The following PDE11A variants were observed in gnomAD, a reference collection of about 807,000 sequenced individuals.
PDE11A encodes phosphodiesterase 11A.
A neutral mutation model predicts 100.5 loss-of-function variants in PDE11A; 100 were observed. That is an observed-to-expected ratio of 1.00 (90% CI 0.85 to 1.18). The LOEUF (loss-of-function observed/expected upper bound fraction) is 1.18. Ranked by LOEUF, PDE11A falls within the 50% of genes most tolerant of loss-of-function variation. PDE11A has a pLI of 0.00. For missense variants in PDE11A, 1,141 were observed against 1,152.6 expected, an observed-to-expected ratio of 0.99 and a Z score of 0.15; for synonymous variants, 381 against 420.8, an observed-to-expected ratio of 0.91 and a Z score of 1.16.
At chr2:178,051,422 T>A (rs531075756) in intron 1 of PDE11A, among the ~76,000 whole-genome samples, 2 of 152,146 alleles carry the variant, frequency 1.3e-5, no homozygotes, top group Non-Finnish European at 2.9e-5. Flanking sequence ...ATAAAGACCA[T>A]CGATGCTAGG....
intron 2 of PDE11A, among the ~76,000 whole-genome samples, chr2:177,932,184 C>T (rs1041887229): frequency 5.3e-5 from 8 of 151,922 alleles, no homozygotes; most frequent in African/African-American, 1.9e-4. Flanking sequence ...TCCTACCAAC[C>T]AAATAAAATC....
chr2:177,631,369 T>A (rs1355222769), intron 19 of PDE11A, among the ~76,000 whole-genome samples: 7 of 143,954 alleles, frequency 4.9e-5, no homozygotes, highest in Non-Finnish European at 1.0e-4. Context: ...TAATCCTAGC[T>A]ACTTGGGAGG....
At chr2:177,954,533 CA>C (rs1329769510) in intron 2 of PDE11A, among the ~76,000 whole-genome samples, 11 of 152,146 alleles carry the variant, frequency 7.2e-5, no homozygotes, top group Non-Finnish European at 2.9e-5. Context: ...CATCAGCCTC[CA>C]TTTGACAAAA....
intron 2 of PDE11A, among the ~76,000 whole-genome samples, chr2:177,965,354 G>A (rs2085685578): frequency 6.6e-6 from 1 of 152,080 alleles, no homozygotes; most frequent in African/African-American, 2.4e-5. Context: ...CTTTTGCTGT[G>A]GAGAAGCTCC....
intron 2 of PDE11A, among the ~76,000 whole-genome samples, chr2:177,936,651 T>C (rs1488590075): frequency 2.0e-5 from 3 of 152,266 alleles, no homozygotes; most frequent in Non-Finnish European, 4.4e-5. Flanking sequence ...CCAGGTGCAG[T>C]GGCTCACGCC....
intron 1 of PDE11A, among the ~76,000 whole-genome samples, chr2:178,058,679 A>T (rs563225668): frequency 6.6e-6 from 1 of 152,290 alleles, no homozygotes; most frequent in South Asian, 2.1e-4. Flanking sequence ...GTATCTACCT[A>T]CTATGTGCTA....
chr2:177,685,129 A>G (rs2080924649), intron 15 of PDE11A, among the ~76,000 whole-genome samples: 1 of 152,220 alleles, frequency 6.6e-6, no homozygotes, highest in South Asian at 2.1e-4. Flanking sequence ...AATGCCTGAC[A>G]TGTAGTAGAA....
intron 2 of PDE11A, among the ~76,000 whole-genome samples, chr2:177,938,603 C>T (rs1239523558): frequency 1.3e-5 from 2 of 151,924 alleles, no homozygotes; most frequent in African/African-American, 4.9e-5. Flanking sequence ...CACCAGATAG[C>T]CTAGACCCAC....
chr2:178,094,135 C>A (rs989358310), intron 2 of PDE11A, among the ~76,000 whole-genome samples: 3 of 152,036 alleles, frequency 2.0e-5, no homozygotes, highest in Non-Finnish European at 4.4e-5. Context: ...ATAACCAGCA[C>A]AAGAAAGTAC....
At chr2:177,652,341 G>C (rs1188636708) in intron 19 of PDE11A, among the ~76,000 whole-genome samples, 1 of 152,224 alleles carries the variant, frequency 6.6e-6, no homozygotes, top group African/African-American at 2.4e-5. Context: ...CCTCAAGTAA[G>C]ACTAGGAGTT....
intron 10 of PDE11A, among the ~76,000 whole-genome samples, chr2:177,731,515 A>T (rs761079376): frequency 1.3e-5 from 2 of 152,142 alleles, no homozygotes; most frequent in Non-Finnish European, 2.9e-5. Context: ...TTTCCTGTTC[A>T]TTCAGTCCTC....
chr2:178,097,035 T>A (rs1276264339), intron 2 of PDE11A, among the ~76,000 whole-genome samples: 1 of 152,104 alleles, frequency 6.6e-6, no homozygotes, highest in Non-Finnish European at 1.5e-5. Context: ...TATAGGCACA[T>A]GCCACCACAC....
intron 12 of PDE11A, among the ~76,000 whole-genome samples, chr2:177,719,884 A>T (rs1186527470): frequency 1.3e-5 from 2 of 152,218 alleles, no homozygotes; most frequent in East Asian, 3.8e-4. Flanking sequence ...ACAACAAAAA[A>T]AAAGGCCCAA....
rs147477333 is a variant in PDE11A at position 177,775,904 on chromosome 2, T to C, written c.1738-6531A>G. 7.3e-3 allele frequency among the ~76,000 whole-genome samples: 1,107 copies of C among 152,326 alleles called. 12 individuals carry two copies. Among genetic ancestry groups the C allele is most frequent in the African/African-American group, 0.025 (1,040 of 41,574 alleles). On this transcript the variant is annotated intron_variant, in intron 9 of 19. Transcript: ENST00000286063. ...ATCACCTGCCTCCCCTACTAGACTGTAAGCACTTTGAAGGCAAGGATTGGT... is the reference window on the plus strand; with the variant it reads ...ATCACCTGCCTCCCCTACTAGACTGCAAGCACTTTGAAGGCAAGGATTGGT...
chr2:177,786,737 G>GA (rs2082543526), intron 9 of PDE11A, among the ~76,000 whole-genome samples: 1 of 152,172 alleles, frequency 6.6e-6, no homozygotes, highest in South Asian at 2.1e-4. Context: ...ACTACGTGAA[G>GA]AATGCAGAAG....
intron 2 of PDE11A, among the ~76,000 whole-genome samples, chr2:177,906,594 C>G (rs1161538912): frequency 1.3e-5 from 2 of 152,172 alleles, no homozygotes; most frequent in Non-Finnish European, 2.9e-5. Flanking sequence ...ATTAAGAAGA[C>G]ATACAAAAAT....
rs2079938303 is a variant in PDE11A at position 177,631,546 on chromosome 2, TACACA to T, written c.2647-1989_2647-1985del. Among the ~76,000 whole-genome samples, 34 of 16,622 alleles carry T rather than the reference TACACA, an allele frequency of 2.0e-3. 9 individuals are homozygous for T. Among genetic ancestry groups the T allele is most frequent in the East Asian group, 6.9e-3 (2 of 288 alleles). 10.9% of individuals were successfully genotyped at this position (16,622 alleles called of 152,430 possible). ...ATATATATATATATATATATATATA[TACACA>T]TGTATATATATATATATACATGTAT... is the stretch of plus-strand genomic sequence containing the variant. On this transcript the variant is annotated intron_variant, in intron 19 of 19. Transcript: ENST00000286063.
chr2:177,922,971 A>G (rs1302929068), intron 2 of PDE11A: 1 of 236,584 alleles, frequency 4.2e-6, no homozygotes, highest in East Asian at 1.8e-4. Flanking sequence ...CTTATTTTAC[A>G]AGGACCAGTT....
At chr2:177,700,619 C>T (rs2081182896) in intron 14 of PDE11A, among the ~76,000 whole-genome samples, 2 of 152,166 alleles carry the variant, frequency 1.3e-5, no homozygotes, top group African/African-American at 4.8e-5. Context: ...AGTTTAGCTG[C>T]AGTTCTCACT....
Sources: allele counts gnomAD v4.1 joint callset (sites outside exome capture counted in the v4.1 genomes callset), GRCh38; gene constraint gnomAD v4.1.1; transcripts MANE v1.5; gene names NCBI Gene and HGNC (gene_info 2026-07-23, HGNC 2026-07-21).